CFAP299: variants seen among roughly 807,000 people sequenced by gnomAD.
The protein encoded by CFAP299 is cilia- and flagella-associated protein 299.
Under a neutral mutation model 27.0 loss-of-function variants are expected in CFAP299, and 21 were observed. The observed-to-expected ratio is 0.78, with a 90% CI of 0.55 to 1.12. The LOEUF (loss-of-function observed/expected upper bound fraction) is 1.12, where lower values mean the gene tolerates loss of function less well. Among genes scored for constraint, CFAP299 ranks in the 50% most tolerant of loss-of-function variants. CFAP299 has a pLI of 0.00. For synonymous variants in CFAP299, 104 were observed against 98.1 expected (o/e 1.06, Z -0.36); for missense variants, 310 against 276.6 (o/e 1.12, Z -0.86).
chr4:80,885,630 T>C (rs1293970492), intron 4 of CFAP299, among the ~76,000 whole-genome samples: 1 of 152,048 alleles, frequency 6.6e-6, no homozygotes, highest in Non-Finnish European at 1.5e-5. Flanking sequence ...AAAAGGGAAC[T>C]AGGTACCTTG....
In CFAP299 at chr4:80,523,720, A is replaced by T. The variant is rs540641363; in HGVS notation, c.243-59373A>T. Among the ~76,000 whole-genome samples, 8 of 152,264 alleles carry T rather than the reference A, an allele frequency of 5.3e-5. No homozygotes were observed. In the East Asian group the frequency reaches 1.5e-3, roughly 29 times the overall value. ...CGTATTCTCAGGACTTAGCATTTAG[A>T]CTATGACTACGTCACTGGCTTTCCT... On this transcript the variant is annotated intron_variant, in intron 2 of 5. Coordinates refer to ENST00000358105, the MANE Select transcript of CFAP299 (RefSeq NM_152770.3).
chr4:80,942,774 A>G (rs1737264807), intron 4 of CFAP299, among the ~76,000 whole-genome samples: 1 of 152,228 alleles, frequency 6.6e-6, no homozygotes, highest in African/African-American at 2.4e-5. Flanking sequence ...CTATATCTAT[A>G]TATCTCATAA....
chr4:80,772,284 T>C (rs1295015027), intron 3 of CFAP299, among the ~76,000 whole-genome samples: 1 of 152,128 alleles, frequency 6.6e-6, no homozygotes, highest in Non-Finnish European at 1.5e-5. Flanking sequence ...GACAAAAATA[T>C]GTCAAGAGTT....
intron 2 of CFAP299, among the ~76,000 whole-genome samples, chr4:80,363,851 G>A (rs1004483504): frequency 6.6e-6 from 1 of 152,042 alleles, no homozygotes; most frequent in Non-Finnish European, 1.5e-5. Context: ...TACTTTGGGA[G>A]GCAGAGGCGG....
chr4:80,685,157 A>G (rs1484351166), intron 3 of CFAP299, among the ~76,000 whole-genome samples: 3 of 152,218 alleles, frequency 2.0e-5, no homozygotes, highest in Admixed American at 1.3e-4. Context: ...TTCAGACAAA[A>G]GAGACTCTTG....
chr4:80,424,284 A>G (rs980752078), intron 2 of CFAP299, among the ~76,000 whole-genome samples: 1 of 152,240 alleles, frequency 6.6e-6, no homozygotes, highest in African/African-American at 2.4e-5. Context: ...CAGCATTAAA[A>G]GGGATCACAT....
chr4:80,682,625 G>C (rs1222547676), intron 3 of CFAP299, among the ~76,000 whole-genome samples: 1 of 151,784 alleles, frequency 6.6e-6, no homozygotes, highest in African/African-American at 2.4e-5. Flanking sequence ...CATAGATAAG[G>C]GAACAAGTAC....
chr4:80,390,890 T>TGC lies in CFAP299; in HGVS notation c.242+28006_242+28007insGC, dbSNP rs1560543930. 2.1e-3 allele frequency among the ~76,000 whole-genome samples: 133 copies of TGC among 64,820 alleles called. 2 individuals carry two copies. In the East Asian group the frequency reaches 0.022, roughly 11 times the overall value. The allele number at this position is 64,820 out of a possible 152,430, so 42.5% of individuals were successfully genotyped here. On this transcript the variant is annotated intron_variant, in intron 2 of 5. Coordinates refer to ENST00000358105, the MANE Select transcript of CFAP299 (RefSeq NM_152770.3). ...GCGCACATATATGTATATATGTATA[T>TGC]ACACACATATGCATATATGTATATA... is the stretch of plus-strand genomic sequence containing the variant.
At chr4:80,801,084 T>A (rs1048640443) in intron 3 of CFAP299, among the ~76,000 whole-genome samples, 50 of 151,914 alleles carry the variant, frequency 3.3e-4, no homozygotes, top group African/African-American at 1.1e-3. Flanking sequence ...GACTCAAATG[T>A]TAATCTCCTT....
intron 2 of CFAP299, among the ~76,000 whole-genome samples, chr4:80,542,537 C>T (rs143867144): frequency 0.014 from 2,207 of 152,242 alleles, 33 homozygotes; most frequent in South Asian, 0.076. Context: ...CCCTGAACAA[C>T]TCCTGTGGAA....
chr4:80,721,299 G>T (rs575426978), intron 3 of CFAP299, among the ~76,000 whole-genome samples: 1 of 152,308 alleles, frequency 6.6e-6, no homozygotes, highest in South Asian at 2.1e-4. Flanking sequence ...TTCTAGTGGT[G>T]TCATAACAAA....
chr4:80,754,869 A>AT (rs972038583), intron 3 of CFAP299, among the ~76,000 whole-genome samples: 1 of 152,048 alleles, frequency 6.6e-6, no homozygotes, highest in Admixed American at 6.6e-5. Flanking sequence ...TTGGTTTGTG[A>AT]TTTTAACTCT....
At chr4:80,652,499 G>T (rs549513808) in intron 3 of CFAP299, among the ~76,000 whole-genome samples, 50 of 152,230 alleles carry the variant, frequency 3.3e-4, no homozygotes, top group African/African-American at 1.2e-3. Flanking sequence ...TGGTTACACA[G>T]GGTTGTTTTA....
intron 4 of CFAP299, among the ~76,000 whole-genome samples, chr4:80,927,195 T>C (rs1213639367): frequency 2.0e-5 from 3 of 152,152 alleles, no homozygotes; most frequent in Non-Finnish European, 2.9e-5. Flanking sequence ...ACTAATTTAG[T>C]TTGTGTTGTT....
At chr4:80,714,043 C>T (rs1019201246) in intron 3 of CFAP299, among the ~76,000 whole-genome samples, 1 of 152,130 alleles carries the variant, frequency 6.6e-6, no homozygotes, top group Non-Finnish European at 1.5e-5. Context: ...AGCTTCAGCA[C>T]TTCTTGCTTC....
At chr4:80,629,297 A>G (rs1183921698) in intron 3 of CFAP299, among the ~76,000 whole-genome samples, 1 of 152,164 alleles carries the variant, frequency 6.6e-6, no homozygotes, top group African/African-American at 2.4e-5. Context: ...TAGTGTTACC[A>G]GGGGCTGGGG....
At chr4:80,678,283 G>C (rs11733929) in intron 3 of CFAP299, among the ~76,000 whole-genome samples, 5,749 of 151,932 alleles carry the variant, frequency 0.038, 379 homozygotes, top group African/African-American at 0.13. Flanking sequence ...AGAAATACCC[G>C]TTTAAATTTG....
At chr4:80,737,580 C>T (rs1723981384) in intron 3 of CFAP299, among the ~76,000 whole-genome samples, 1 of 151,992 alleles carries the variant, frequency 6.6e-6, no homozygotes, top group Non-Finnish European at 1.5e-5. Flanking sequence ...CATTTAGTTG[C>T]TCATAGTAGC....
intron 2 of CFAP299, among the ~76,000 whole-genome samples, chr4:80,419,838 G>A (rs936368073): frequency 2.6e-5 from 4 of 152,000 alleles, no homozygotes; most frequent in South Asian, 2.1e-4. Flanking sequence ...TAAGGGTTTC[G>A]TTTTTTCCAC....
Sources: gnomAD v4.1 joint callset for allele counts (sites outside exome capture counted in the v4.1 genomes callset) on GRCh38, gnomAD v4.1.1 for gene constraint, MANE v1.5 for transcripts, NCBI Gene and HGNC (gene_info 2026-07-23, HGNC 2026-07-21) for gene names.